Variants in IGSF11 observed in about 807,000 individuals in gnomAD.
The protein encoded by IGSF11 is CXADR like 1.
Under a neutral mutation model 41.0 loss-of-function variants are expected in IGSF11, and 22 were observed. The ratio of observed to expected loss-of-function variants is 0.54; its 90% CI spans 0.38 to 0.77. The LOEUF is 0.77. Ranked by LOEUF, IGSF11 falls within the 30% of genes least tolerant of loss-of-function variation. The pLI is 0.00. For synonymous variants in IGSF11, 219 were observed against 201.3 expected (o/e 1.09, Z -0.74); for missense variants, 444 against 530.8 (o/e 0.84, Z 1.61).
In IGSF11 at chr3:119,127,570, C is replaced by G. The variant is rs527582809; in HGVS notation, c.-14+18243G>C. 9.2e-5 allele frequency among the ~76,000 whole-genome samples: 14 copies of G among 152,086 alleles called. No individual in the cohort carries two copies. The South Asian group carries it at 2.9e-3, about 32-fold the overall frequency. ...TACAGAGAACACCATTAAGATAGTC[C>G]ACGAGAAGATCAACCCCAAGACACA... On this transcript the variant is annotated intron_variant, in intron 1 of 7. Transcript: ENST00000425327.
At chr3:119,109,844 T>C (rs963566448), upstream of IGSF11, among the ~76,000 whole-genome samples, 3 of 152,222 alleles carry the variant, frequency 2.0e-5, no homozygotes, top group Non-Finnish European at 4.4e-5. Context: ...CCCTTCGTTA[T>C]GTACCCAGTA....
At chr3:119,100,952 T>A (rs1487329738) in intron 1 of IGSF11, among the ~76,000 whole-genome samples, 2 of 152,066 alleles carry the variant, frequency 1.3e-5, no homozygotes, top group African/African-American at 2.4e-5. Flanking sequence ...CCATGGGGAA[T>A]CAGTATATCC....
intron 1 of IGSF11, among the ~76,000 whole-genome samples, chr3:118,955,227 CACACACACACACACACACACACACACAT>C (rs1944870603): frequency 3.4e-5 from 3 of 88,706 alleles, no homozygotes; most frequent in Non-Finnish European, 6.5e-5. Context: ...CATACACACA[CACACACACACACACACACACACACACAT>C]ACACACACAC....
At chr3:119,017,932 G>A (rs555613889) in intron 1 of IGSF11, among the ~76,000 whole-genome samples, 3 of 151,670 alleles carry the variant, frequency 2.0e-5, no homozygotes, top group South Asian at 2.1e-4. Context: ...ACAGGTATGC[G>A]CCACCATGCC....
intron 1 of IGSF11, chr3:118,947,593 G>A (rs1015841866): frequency 2.0e-5 from 3 of 152,104 alleles, no homozygotes; most frequent in South Asian, 4.2e-4. Context: ...TCATGTGAGC[G>A]TTTTGAAGTA....
chr3:118,943,231 AATT>A (rs1943843388), intron 1 of IGSF11: 1 of 152,218 alleles, frequency 6.6e-6, no homozygotes, highest in Non-Finnish European at 1.5e-5. Flanking sequence ...AATAATTGAT[AATT>A]ATCACAATGA....
At chr3:119,045,648 C>G (rs1218463057) in intron 1 of IGSF11, among the ~76,000 whole-genome samples, 1 of 151,988 alleles carries the variant, frequency 6.6e-6, no homozygotes, top group East Asian at 1.9e-4. Context: ...CACCACAGCT[C>G]AAGGAGGCCT....
At chr3:119,138,158 CAAA>C (rs71156733) in intron 1 of IGSF11, among the ~76,000 whole-genome samples, 7 of 134,038 alleles carry the variant, frequency 5.2e-5, no homozygotes, top group Non-Finnish European at 6.5e-5. Flanking sequence ...GGTTCCTCAA[CAAA>C]AAAAAAAAAA....
At chr3:119,112,400 T>G (rs1004296818) in intron 1 of IGSF11, among the ~76,000 whole-genome samples, 7 of 152,176 alleles carry the variant, frequency 4.6e-5, no homozygotes, top group South Asian at 2.1e-4. Flanking sequence ...CTCCGAGCCA[T>G]GTGCGGGATA....
intron 1 of IGSF11, among the ~76,000 whole-genome samples, chr3:118,978,908 G>T (rs562730471): frequency 6.6e-6 from 1 of 152,082 alleles, no homozygotes; most frequent in East Asian, 1.9e-4. Context: ...AAGGGAACAC[G>T]TTATCCAGCA....
intron 1 of IGSF11, chr3:118,943,204 A>G (rs919003990): frequency 1.3e-5 from 2 of 152,226 alleles, no homozygotes; most frequent in East Asian, 3.8e-4. Flanking sequence ...AGACTGCAGC[A>G]TATAGAGGGG....
chr3:119,009,385 G>A (rs60755482), intron 1 of IGSF11, among the ~76,000 whole-genome samples: 11,408 of 152,240 alleles, frequency 0.075, 511 homozygotes, highest in East Asian at 0.13. Flanking sequence ...CACGTGTCAA[G>A]GGAGGGACCT....
upstream of IGSF11, among the ~76,000 whole-genome samples, chr3:119,106,744 C>A (rs1324463904): frequency 6.6e-6 from 1 of 152,016 alleles, no homozygotes; most frequent in Non-Finnish European, 1.5e-5. Flanking sequence ...CCCCTCCTCC[C>A]ACCCCACAAC....
At chr3:118,992,205 C>T (rs984051445) in intron 1 of IGSF11, among the ~76,000 whole-genome samples, 1 of 152,146 alleles carries the variant, frequency 6.6e-6, no homozygotes, top group African/African-American at 2.4e-5. Context: ...AACCTATATT[C>T]CAAAATATGA....
Position 119,065,436 on chromosome 3 carries a change from AT to A in IGSF11, c.49+39707del, listed in dbSNP as rs935797850. On this transcript the variant is annotated intron_variant, in intron 1 of 6. Coordinates refer to the IGSF11 transcript ENST00000354673. ...TACTTTCATGACACAGTGGTCTGTA[AT>A]TTTTTTTCCTTGTAATTTCCTTGTC... Among the ~76,000 whole-genome samples, 431 of 151,906 alleles carry A rather than the reference AT, an allele frequency of 2.8e-3. 1 individual carries two copies. The highest frequency in any genetic ancestry group is 0.01 in the African/African-American group (419 of 41,418).
At chr3:119,057,447 A>C (rs1200770341) in intron 1 of IGSF11, among the ~76,000 whole-genome samples, 1 of 152,196 alleles carries the variant, frequency 6.6e-6, no homozygotes, top group East Asian at 1.9e-4. Flanking sequence ...GGAGAACTAC[A>C]AACCACTGCT....
At chr3:119,106,905 A>C (rs1330359969), upstream of IGSF11, among the ~76,000 whole-genome samples, 1 of 152,168 alleles carries the variant, frequency 6.6e-6, no homozygotes, top group Non-Finnish European at 1.5e-5. Context: ...TGTCCCTACA[A>C]AGGACATGAA....
chr3:119,098,699 T>TGGAA (rs1248166518), intron 1 of IGSF11, among the ~76,000 whole-genome samples: 1 of 152,250 alleles, frequency 6.6e-6, no homozygotes, highest in African/African-American at 2.4e-5. Context: ...AAATATGTTT[T>TGGAA]TTAAATTAAT....
intron 1 of IGSF11, among the ~76,000 whole-genome samples, chr3:119,000,348 T>C (rs959293356): frequency 1.3e-5 from 2 of 150,736 alleles, no homozygotes; most frequent in African/African-American, 4.9e-5. Context: ...CCTTTGGAAC[T>C]CCAGTCATAT....
Sources: gnomAD v4.1 joint callset for allele counts (sites outside exome capture counted in the v4.1 genomes callset) on GRCh38, gnomAD v4.1.1 for gene constraint, MANE v1.5 for transcripts, NCBI Gene and HGNC (gene_info 2026-07-23, HGNC 2026-07-21) for gene names.